The following DOCK1 variants were observed in gnomAD, a reference collection of about 807,000 sequenced individuals.
The protein encoded by DOCK1 is dedicator of cytokinesis protein 1.
In DOCK1, 138 loss-of-function variants were observed where a neutral mutation model predicts 262.7. The ratio of observed to expected loss-of-function variants is 0.53; its 90% CI spans 0.46 to 0.61. The LOEUF is 0.61. Ranked by LOEUF, DOCK1 falls within the 20% of genes least tolerant of loss-of-function variation. The pLI is 0.00. For missense variants in DOCK1, 1,908 were observed against 2,370.7 expected (o/e 0.80, Z 4.05); for synonymous variants, 866 against 867.4 (o/e 1.00, Z 0.03).
intron 48 of DOCK1, among the ~76,000 whole-genome samples, chr10:127,434,485 AC>A (rs1565090140): frequency 6.6e-6 from 1 of 152,110 alleles, no homozygotes; most frequent in Non-Finnish European, 1.5e-5. Context: ...GCGTACGTTC[AC>A]ATCGCTGTGC....
At chr10:127,077,376 C>T (rs2046629784) in intron 23 of DOCK1, among the ~76,000 whole-genome samples, 1 of 152,140 alleles carries the variant, frequency 6.6e-6, no homozygotes, top group Non-Finnish European at 1.5e-5. Context: ...GCCTAGGTGA[C>T]AGAGCGAGAC....
intron 22 of DOCK1, among the ~76,000 whole-genome samples, chr10:127,060,960 G>A (rs7909730): frequency 1.3e-5 from 2 of 152,128 alleles, no homozygotes; most frequent in South Asian, 4.1e-4. Flanking sequence ...GCCGCCTGGC[G>A]GCTCACGCCT....
intron 13 of DOCK1, among the ~76,000 whole-genome samples, chr10:127,019,809 A>T (rs1383286924): frequency 6.6e-6 from 1 of 152,158 alleles, no homozygotes; most frequent in Non-Finnish European, 1.5e-5. Flanking sequence ...GTGTTGAGTG[A>T]ATTCCTATCC....
intron 33 of DOCK1, among the ~76,000 whole-genome samples, chr10:127,369,548 G>T (rs1172116986): frequency 6.6e-6 from 1 of 152,178 alleles, no homozygotes; most frequent in Non-Finnish European, 1.5e-5. Flanking sequence ...CTCTGGAATT[G>T]CATGCAGCCC....
chr10:127,346,108 G>C (rs1194820491), intron 31 of DOCK1, among the ~76,000 whole-genome samples: 2 of 152,198 alleles, frequency 1.3e-5, no homozygotes, highest in Non-Finnish European at 2.9e-5. Context: ...GCTGGGACCC[G>C]AGCCCAGCCA....
At chr10:126,950,105 GTAA>G (rs1471591743) in intron 1 of DOCK1, among the ~76,000 whole-genome samples, 1 of 151,690 alleles carries the variant, frequency 6.6e-6, no homozygotes, top group African/African-American at 2.4e-5. Flanking sequence ...TCCCTCCCTT[GTAA>G]AGTTTTTGTG....
chr10:127,235,200 ACATC>A (rs2059004695), intron 27 of DOCK1, among the ~76,000 whole-genome samples: 1 of 151,848 alleles, frequency 6.6e-6, no homozygotes. Flanking sequence ...TTATATAGTA[ACATC>A]CATTCTTCTT....
intron 27 of DOCK1, among the ~76,000 whole-genome samples, chr10:127,173,678 T>C (rs766312425): frequency 6.6e-6 from 1 of 152,174 alleles, no homozygotes; most frequent in Non-Finnish European, 1.5e-5. Context: ...ACTGGGTCAA[T>C]GTTTGACCTT....
At chr10:127,247,534 A>C (rs1019380497) in intron 27 of DOCK1, among the ~76,000 whole-genome samples, 1 of 152,224 alleles carries the variant, frequency 6.6e-6, no homozygotes, top group Non-Finnish European at 1.5e-5. Context: ...AAGAGAGCAC[A>C]AAACAGAAGT....
chr10:127,152,895 C>T (rs1398909479), intron 27 of DOCK1, among the ~76,000 whole-genome samples: 1 of 152,156 alleles, frequency 6.6e-6, no homozygotes, highest in Admixed American at 6.5e-5. Context: ...CTGGGATGCT[C>T]TGTCTGGATC....
chr10:127,186,574 A>G (rs1466972710), intron 27 of DOCK1, among the ~76,000 whole-genome samples: 1 of 136,122 alleles, frequency 7.3e-6, no homozygotes, highest in Non-Finnish European at 1.5e-5. Context: ...GGGATTATGG[A>G]GATTACAATT....
At position 127,018,738 on chromosome 10, in the gene DOCK1, T is replaced by A; in HGVS notation, c.1230T>A (p.Pro410=). 2 of 1,614,046 alleles carry A rather than the reference T, an allele frequency of 1.2e-6. No homozygotes were observed. Among genetic ancestry groups the A allele is most frequent in the East Asian group, 4.5e-5 (2 of 44,884 alleles). ...TGTGGGTAACATTGAAATTACTTCC[T>A]GGAGATATCCATCAGATCCGAAAAG... ...QGLWVTLKLL[P]GDIHQIRKEF... Residue 410 remains proline, a synonymous_variant, in exon 13 of 52, where the codon CCT becomes CCA. Coordinates refer to ENST00000623213, the MANE Select transcript of DOCK1 (RefSeq NM_001290223.2).
At chr10:127,036,846 G>A (rs928904671) in intron 18 of DOCK1, among the ~76,000 whole-genome samples, 1 of 151,822 alleles carries the variant, frequency 6.6e-6, no homozygotes, top group African/African-American at 2.4e-5. Flanking sequence ...GTGTGGTGGC[G>A]GGCGCCTGTA....
chr10:127,030,894 AAAAT>A (rs1243554582), intron 16 of DOCK1, among the ~76,000 whole-genome samples: 4 of 151,526 alleles, frequency 2.6e-5, no homozygotes, highest in Admixed American at 1.3e-4. Context: ...AATTATCACG[AAAAT>A]AAATCAGGTG....
intron 1 of DOCK1, among the ~76,000 whole-genome samples, chr10:126,945,975 A>C (rs1222820242): frequency 3.3e-5 from 5 of 152,210 alleles, no homozygotes; most frequent in Non-Finnish European, 5.9e-5. Context: ...GAACGTTCAT[A>C]GGCAGAGACG....
At chr10:126,949,425 C>T (rs2035977045) in intron 1 of DOCK1, among the ~76,000 whole-genome samples, 1 of 152,124 alleles carries the variant, frequency 6.6e-6, no homozygotes, top group Non-Finnish European at 1.5e-5. Context: ...AGTGAACACA[C>T]CTACCAACTA....
chr10:127,215,425 G>A (rs561736991), intron 27 of DOCK1, among the ~76,000 whole-genome samples: 6 of 152,260 alleles, frequency 3.9e-5, no homozygotes, highest in East Asian at 3.9e-4. Context: ...GTTACTTGGC[G>A]CCAAGCATGG....
At chr10:127,132,856 G>A (rs1679000708) in intron 27 of DOCK1, among the ~76,000 whole-genome samples, 1 of 152,184 alleles carries the variant, frequency 6.6e-6, no homozygotes. Flanking sequence ...GGATACACAC[G>A]AGGGGATTGG....
At chr10:127,008,053 A>C (rs2041166386) in intron 10 of DOCK1, among the ~76,000 whole-genome samples, 1 of 152,044 alleles carries the variant, frequency 6.6e-6, no homozygotes, top group Non-Finnish European at 1.5e-5. Context: ...AAATGAATGA[A>C]ATAAAAGTAA....
Sources: allele counts gnomAD v4.1 joint callset (sites outside exome capture counted in the v4.1 genomes callset), GRCh38; gene constraint gnomAD v4.1.1; transcripts MANE v1.5; gene names NCBI Gene and HGNC (gene_info 2026-07-23, HGNC 2026-07-21).